The following SYN3 variants were observed in gnomAD, a reference collection of about 807,000 sequenced individuals.
The protein encoded by SYN3 is synapsin-3.
SYN3 carries 35 observed loss-of-function variants against 65.8 expected under a neutral mutation model. The ratio of observed to expected loss-of-function variants is 0.53; its 90% CI spans 0.41 to 0.70. The LOEUF (loss-of-function observed/expected upper bound fraction) is 0.70, where lower values mean the gene tolerates loss of function less well. Among genes scored for constraint, SYN3 ranks in the 30% least tolerant of loss-of-function variants. The pLI is 0.00. For synonymous variants in SYN3, 270 were observed against 292.9 expected (o/e 0.92, Z 0.80); for missense variants, 680 against 749.0 (o/e 0.91, Z 1.08).
chr22:32,549,400 T>C (rs1030398139), intron 7 of SYN3, among the ~76,000 whole-genome samples: 3 of 152,098 alleles, frequency 2.0e-5, no homozygotes, highest in Non-Finnish European at 4.4e-5. Context: ...ACTACAGGCA[T>C]GTGCCACCAC....
intron 6 of SYN3, among the ~76,000 whole-genome samples, chr22:32,622,814 G>A (rs919911321): frequency 1.3e-5 from 2 of 152,012 alleles, no homozygotes; most frequent in Non-Finnish European, 2.9e-5. Context: ...TCTTAAAGGG[G>A]GCTGAGACAC....
chr22:32,959,061 T>G (rs1282157387), intron 3 of SYN3, among the ~76,000 whole-genome samples: 1 of 152,084 alleles, frequency 6.6e-6, no homozygotes, highest in African/African-American at 2.4e-5. Context: ...GGTGTTGATA[T>G]GGGTTGGCTG....
intron 6 of SYN3, among the ~76,000 whole-genome samples, chr22:32,599,933 G>A (rs941485829): frequency 6.6e-6 from 1 of 152,072 alleles, no homozygotes. Flanking sequence ...AAGCTGTGGG[G>A]TACGTCGCGG....
chr22:32,558,591 C>G (rs2058538168), intron 7 of SYN3, among the ~76,000 whole-genome samples: 1 of 152,236 alleles, frequency 6.6e-6, no homozygotes. Flanking sequence ...CCCCACTTCC[C>G]CTCATCTGGG....
chr22:32,788,847 C>A (rs144062136), intron 6 of SYN3, among the ~76,000 whole-genome samples: 1 of 152,206 alleles, frequency 6.6e-6, no homozygotes, highest in Admixed American at 6.5e-5. Flanking sequence ...GGTGGGCGGC[C>A]TGTGCCTACC....
intron 3 of SYN3, among the ~76,000 whole-genome samples, chr22:32,951,191 C>G (rs1411430630): frequency 6.6e-6 from 1 of 152,180 alleles, no homozygotes; most frequent in Non-Finnish European, 1.5e-5. Context: ...TGCCTCCCCC[C>G]ATCCCCCTAG....
At chr22:32,913,548 T>C (rs1480006300) in intron 4 of SYN3, among the ~76,000 whole-genome samples, 1 of 151,840 alleles carries the variant, frequency 6.6e-6, no homozygotes, top group Non-Finnish European at 1.5e-5. Context: ...CAGAGGAGAA[T>C]GTGGGCCAGT....
chr22:32,967,382 T>G (rs562738438), intron 3 of SYN3, among the ~76,000 whole-genome samples: 1 of 152,198 alleles, frequency 6.6e-6, no homozygotes, highest in Non-Finnish European at 1.5e-5. Flanking sequence ...GTAGGGCACA[T>G]AAACTCGTTC....
At chr22:33,006,220 C>G (rs2053191131) in intron 2 of SYN3, 132 bp downstream of exon 2, 1 of 1,070,186 alleles carries the variant, frequency 9.3e-7, no homozygotes, top group Admixed American at 2.5e-5. Flanking sequence ...ATGTTAGTTT[C>G]CTTCTCTCCA....
chr22:33,002,761 CAG>C (rs1303678697), intron 2 of SYN3, among the ~76,000 whole-genome samples: 1 of 152,222 alleles, frequency 6.6e-6, no homozygotes, highest in Non-Finnish European at 1.5e-5. Flanking sequence ...ATTGGACTAA[CAG>C]AGCATCTGGC....
chr22:32,716,208 C>G (rs2061037341), intron 6 of SYN3, among the ~76,000 whole-genome samples: 1 of 152,120 alleles, frequency 6.6e-6, no homozygotes, highest in Non-Finnish European at 1.5e-5. Flanking sequence ...AGTAAAGTTC[C>G]CACTTGAGTA....
chr22:32,537,560 C>T lies in SYN3; in HGVS notation c.992+476G>A, dbSNP rs1047405676. Among the ~76,000 whole-genome samples the T allele has an allele frequency of 3.9e-5, 6 of 152,138 alleles. No homozygotes were observed. The South Asian group carries it at 1.0e-3, about 26-fold the overall frequency. On this transcript the variant is annotated intron_variant, in intron 9 of 13. Coordinates refer to ENST00000358763, the MANE Select transcript of SYN3 (RefSeq NM_003490.4). ...CCTAAAACATGCATGATTCATGGGA[C>T]GTCAACCTTTCCCTATTCATATTGA... is the stretch of plus-strand genomic sequence containing the variant.
intron 2 of SYN3, among the ~76,000 whole-genome samples, chr22:32,991,775 C>T (rs5994650): frequency 0.014 from 2,057 of 152,264 alleles, 57 homozygotes; most frequent in African/African-American, 0.047. Context: ...CTTCAGGAAA[C>T]CCACACTCCT....
chr22:32,666,281 C>T (rs1470192775), intron 6 of SYN3, among the ~76,000 whole-genome samples: 1 of 152,188 alleles, frequency 6.6e-6, no homozygotes, highest in Non-Finnish European at 1.5e-5. Flanking sequence ...TGTCACTCCT[C>T]TATTCAAAAC....
At chr22:32,849,084 G>C (rs1192067869) in intron 6 of SYN3, among the ~76,000 whole-genome samples, 1 of 152,228 alleles carries the variant, frequency 6.6e-6, no homozygotes, top group East Asian at 1.9e-4. Context: ...CCATGGCATT[G>C]TCAGATGGAC....
At chr22:32,660,571 G>A (rs1601861620) in intron 6 of SYN3, among the ~76,000 whole-genome samples, 2 of 152,206 alleles carry the variant, frequency 1.3e-5, no homozygotes, top group Non-Finnish European at 2.9e-5. Context: ...GGCTGGCGGG[G>A]AAGGAATGGT....
rs183381496 is a variant in SYN3, at chr22:32,823,313, G to A, written c.711+41602C>T. Among the ~76,000 whole-genome samples, 4 of 152,308 alleles carry A rather than the reference G, an allele frequency of 2.6e-5. No homozygotes were observed. In the East Asian group the frequency reaches 5.8e-4, roughly 22 times the overall value. On this transcript the variant is annotated intron_variant, in intron 6 of 13. Transcript: ENST00000358763. Reference sequence around the variant, plus strand: ...GAAATCCTCTCTCTCCAAGGTCCCTGCAGGAGATGGGACCTGCCACAGAGA... The same window carrying A: ...GAAATCCTCTCTCTCCAAGGTCCCTACAGGAGATGGGACCTGCCACAGAGA...
chr22:32,997,618 A>G (rs2052919113), intron 2 of SYN3, among the ~76,000 whole-genome samples: 1 of 152,122 alleles, frequency 6.6e-6, no homozygotes, highest in Admixed American at 6.5e-5. Context: ...TGGATGGGGG[A>G]ACAAAAAGCC....
chr22:32,528,748 C>G, intron 11 of SYN3, 126 bp downstream of exon 11: 1 of 1,363,250 alleles, frequency 7.3e-7, no homozygotes, highest in South Asian at 1.4e-5. Context: ...CGTCCACACC[C>G]CCATTCCTTC....
Sources: gnomAD v4.1 joint callset for allele counts (sites outside exome capture counted in the v4.1 genomes callset) on GRCh38, gnomAD v4.1.1 for gene constraint, MANE v1.5 for transcripts, NCBI Gene and HGNC (gene_info 2026-07-23, HGNC 2026-07-21) for gene names.